The following MYO7B variants were observed in gnomAD, a reference collection of about 807,000 sequenced individuals.
MYO7B encodes the protein myosin VIIB, also known as unconventional myosin-VIIb.
MYO7B carries 212 observed loss-of-function variants against 259.7 expected under a neutral mutation model. The ratio of observed to expected loss-of-function variants is 0.82; its 90% CI spans 0.73 to 0.91. The LOEUF (loss-of-function observed/expected upper bound fraction) is 0.91. Among genes scored for constraint, MYO7B ranks in the 40% least tolerant of loss-of-function variants. MYO7B has a pLI of 0.00. For synonymous variants in MYO7B, 1,197 were observed against 1,166.4 expected (o/e 1.03, Z -0.54); for missense variants, 2,732 against 2,813.5 (o/e 0.97, Z 0.66).
At chr2:127,538,174 G>T (rs1273818589) in intron 1 of MYO7B, among the ~76,000 whole-genome samples, 1 of 152,162 alleles carries the variant, frequency 6.6e-6, no homozygotes, top group Non-Finnish European at 1.5e-5. Context: ...GGATGTTCCA[G>T]GTGGAGGAAG....
chr2:127,577,300 T>G lies in MYO7B; in HGVS notation c.849+592T>G, dbSNP rs1433789514. ...CTCCTGGGTCCACTGCTCCAAGGCCTTCACCAGCCCCTGCCTAGACTTCAT... is the reference window on the plus strand; with the variant it reads ...CTCCTGGGTCCACTGCTCCAAGGCCGTCACCAGCCCCTGCCTAGACTTCAT... On this transcript the variant is annotated intron_variant, in intron 8 of 47. Transcript: ENST00000409816. The surrounding 1 kb of genome is among the most constrained non-coding windows in gnomAD (Gnocchi z 5.2). Among the ~76,000 whole-genome samples the G allele has an allele frequency of 1.3e-5, 2 of 152,112 alleles. No individual in the cohort carries two copies. Among genetic ancestry groups the G allele is most frequent in the African/African-American group, 4.8e-5 (2 of 41,418 alleles).
chr2:127,560,025 CTTTTCT>C (rs1358285018), intron 2 of MYO7B, among the ~76,000 whole-genome samples: 31 of 128,302 alleles, frequency 2.4e-4, no homozygotes, highest in East Asian at 1.2e-3. Flanking sequence ...CTTTTCTTTT[CTTTTCT>C]TTTTTTTTTT....
In MYO7B at chr2:127,636,807, C is replaced by T; in HGVS notation, c.6221C>T (p.Thr2074Ile). 1 of 1,613,610 alleles carries T rather than the reference C, an allele frequency of 6.2e-7. No individual in the cohort carries two copies. The highest frequency in any genetic ancestry group is 8.5e-7 in the Non-Finnish European group (1 of 1,179,834). ...CTCTGCCCCCAGGACCTGCTCACCA[C>T]CTATCCCTTCACCAAGATCTCCAGC... ...IHPKTKDLLT[T>I]YPFTKISSWS... The change falls in exon 47 of 48, where the codon ACC becomes ATC. Residue 2074 changes from threonine to isoleucine, a missense_variant. By Grantham distance (89) the Thr-to-Ile change is moderately conservative. Coordinates refer to ENST00000409816, the MANE Select transcript of MYO7B (RefSeq NM_001393586.1). The surrounding 1 kb of genome is among the most constrained non-coding windows in gnomAD (Gnocchi z 4.5).
chr2:127,568,916 A>G (rs530545809), intron 5 of MYO7B, among the ~76,000 whole-genome samples: 1 of 148,066 alleles, frequency 6.8e-6, no homozygotes, highest in Non-Finnish European at 1.5e-5. Flanking sequence ...AAAAAAAGAC[A>G]GTATTTTCAG....
At chr2:127,600,652 G>T (rs1255704859) in intron 19 of MYO7B, among the ~76,000 whole-genome samples, 2 of 152,366 alleles carry the variant, frequency 1.3e-5, no homozygotes, top group East Asian at 3.9e-4. Context: ...GGAGGTTGCA[G>T]TGAGCCAAGA....
In MYO7B at chr2:127,623,953, C is replaced by T. The variant is rs894201456; in HGVS notation, c.3820-140C>T. ...GAAGCCCTTCAGGTGTCCACACGGGCTCAGCAGTGTCCACTCAGCCCACGC... is the reference window on the plus strand; with the variant it reads ...GAAGCCCTTCAGGTGTCCACACGGGTTCAGCAGTGTCCACTCAGCCCACGC... On this transcript the variant is annotated intron_variant, in intron 29 of 47. Coordinates refer to ENST00000409816, the MANE Select transcript of MYO7B (RefSeq NM_001393586.1). The T allele has an allele frequency of 9.2e-5, 66 of 716,412 alleles. 1 individual carries two copies. The highest frequency in any genetic ancestry group is 7.9e-4 in the Middle Eastern group (2 of 2,528). 44.4% of individuals were successfully genotyped at this position (716,412 alleles called of 1,614,324 possible).
chr2:127,630,939 A>AC (rs1225079440), intron 36 of MYO7B, 31 bp downstream of exon 36: 1 of 1,525,006 alleles, frequency 6.6e-7, no homozygotes, highest in Non-Finnish European at 8.8e-7. Context: ...GCCTCATTGC[A>AC]CCCCCACCTC....
chr2:127,623,173 C>T (rs1187865422), intron 28 of MYO7B, 29 bp from the exon 29 acceptor site: 1 of 1,611,866 alleles, frequency 6.2e-7, no homozygotes, highest in Non-Finnish European at 8.5e-7. Flanking sequence ...TTCCAAGAGG[C>T]CAGGGAACTG....
chr2:127,623,913 C>A (rs1558844023), intron 29 of MYO7B, among the ~76,000 whole-genome samples, 180 bp from the exon 30 acceptor site: 1 of 152,210 alleles, frequency 6.6e-6, no homozygotes, highest in Admixed American at 6.5e-5. Context: ...GGCAGATGGG[C>A]CATTGCTGTG....
intron 27 of MYO7B, 54 bp downstream of exon 27, chr2:127,620,520 T>C (rs1680794405): frequency 2.1e-6 from 3 of 1,438,836 alleles, no homozygotes; most frequent in Non-Finnish European, 2.8e-6. Context: ...GGTGGGAGCG[T>C]AGGTGGCCCC....
chr2:127,573,306 G>C (rs1317626249), intron 6 of MYO7B, among the ~76,000 whole-genome samples: 1 of 152,212 alleles, frequency 6.6e-6, no homozygotes, highest in Admixed American at 6.5e-5. Context: ...TTCTAACTTT[G>C]TGTGTGCAGG....
chr2:127,624,038 C>A, intron 29 of MYO7B, 55 bp from the exon 30 acceptor site: 1 of 1,480,592 alleles, frequency 6.8e-7, no homozygotes, highest in South Asian at 1.3e-5. Context: ...TGGGCGTCCC[C>A]GTGGGGTGGG....
At chr2:127,536,393 C>T (rs1355609554) in intron 1 of MYO7B, among the ~76,000 whole-genome samples, 1 of 140,146 alleles carries the variant, frequency 7.1e-6, no homozygotes, top group Non-Finnish European at 1.5e-5. Context: ...TACCCATGTA[C>T]CTTGGGCAAT....
chr2:127,622,353 C>G (rs1369640312), intron 28 of MYO7B, among the ~76,000 whole-genome samples: 1 of 152,162 alleles, frequency 6.6e-6, no homozygotes, highest in Admixed American at 6.5e-5. Context: ...ATCACCGGAC[C>G]CACTCATTAG....
Position 127,592,861 on chromosome 2 carries a change from G to C in MYO7B, c.2060G>C (p.Arg687Pro). 1 of 1,609,836 alleles carries C rather than the reference G, an allele frequency of 6.2e-7. No individual in the cohort carries two copies. The highest frequency in any genetic ancestry group is 8.5e-7 in the Non-Finnish European group (1 of 1,178,624). ...YSGMMETVHI[R>P]KSGFPIRYTF... ...GGCATGATGGAGACCGTGCACATCC[G>C]CAAGTCGGGCTTCCCCATCCGCTAC... The change falls in exon 17 of 48, where the codon CGC becomes CCC. Residue 687 changes from arginine to proline, a missense_variant. By Grantham distance (103) the Arg-to-Pro change is moderately radical (BLOSUM62 -2). Coordinates refer to ENST00000409816, the MANE Select transcript of MYO7B (RefSeq NM_001393586.1).
intron 1 of MYO7B, among the ~76,000 whole-genome samples, chr2:127,538,064 G>C (rs1250911432): frequency 6.6e-6 from 1 of 152,154 alleles, no homozygotes; most frequent in Admixed American, 6.5e-5. Context: ...GCATTGAGTG[G>C]TCAGAGGAGG....
At position 127,585,179 on chromosome 2, in the gene MYO7B, GTA is replaced by G. The variant is rs1409569744; in HGVS notation, c.1690+270_1690+271del. ...ACGACTTGACTGTAATATATTCAGA[GTA>G]TATTAATGATTGCCACAATTTTAGA... On this transcript the variant is annotated intron_variant, in intron 14 of 47. Coordinates refer to ENST00000409816, the MANE Select transcript of MYO7B (RefSeq NM_001393586.1). This position sits in a 1 kb window ranked among gnomAD's most constrained non-coding sequence, Gnocchi z 4.3. Among the ~76,000 whole-genome samples the G allele has an allele frequency of 5.3e-5, 8 of 152,276 alleles. No homozygotes were observed. Among genetic ancestry groups the G allele is most frequent in the Admixed American group, 5.2e-4 (8 of 15,304 alleles).
intron 26 of MYO7B, among the ~76,000 whole-genome samples, chr2:127,618,865 G>A (rs1680695435): frequency 6.6e-6 from 1 of 152,236 alleles, no homozygotes; most frequent in Non-Finnish European, 1.5e-5. Flanking sequence ...AGGCCAGGCA[G>A]GGCTGCTACA....
chr2:127,582,056 C>T (rs200374935), intron 11 of MYO7B, 46 bp downstream of exon 11: 547 of 1,611,184 alleles, frequency 3.4e-4, no homozygotes, highest in Non-Finnish European at 3.5e-4. Flanking sequence ...CTGTTGACCA[C>T]GGCTCTGCTT....
Sources: gnomAD v4.1 joint callset for allele counts (sites outside exome capture counted in the v4.1 genomes callset) on GRCh38, gnomAD v4.1.1 for gene constraint, Gnocchi (gnomAD v3.1) non-coding constraint, MANE v1.5 for transcripts, NCBI Gene and HGNC (gene_info 2026-07-23, HGNC 2026-07-21) for gene names.